TNNT1: variants seen among roughly 807,000 people sequenced by gnomAD.
The protein encoded by TNNT1 is troponin T, slow skeletal muscle.
TNNT1 carries 53 observed loss-of-function variants against 50.6 expected under a neutral mutation model. That is an observed-to-expected ratio of 1.05 (90% CI 0.84 to 1.32). TNNT1 has a LOEUF of 1.32. Among genes scored for constraint, TNNT1 ranks in the 40% most tolerant of loss-of-function variants. The probability of loss-of-function intolerance (pLI) is 0.00; values close to 1 mark genes in which losing one functional copy is unlikely to be tolerated. For missense variants in TNNT1, 348 were observed against 381.7 expected (o/e 0.91, Z 0.74); for synonymous variants, 142 against 138.0 (o/e 1.03, Z -0.20).
chr19:55,135,760 A>AGG (rs1158500982), intron 11 of TNNT1, among the ~76,000 whole-genome samples: 1 of 152,038 alleles, frequency 6.6e-6, no homozygotes, highest in Non-Finnish European at 1.5e-5. Context: ...ACCTCAGGTG[A>AGG]TCTGCCCGCC....
chr19:55,140,971 G>C lies in TNNT1; in HGVS notation c.310-11C>G. 6.2e-7 allele frequency: 1 copy of C among 1,613,720 alleles called. No homozygotes were observed. The highest frequency in any genetic ancestry group is 8.5e-7 in the Non-Finnish European group (1 of 1,179,864). Reference sequence around the variant, plus strand: ...TGACCGGCGCCGCTCCTGGGAAACGGAGAAGCATAAGGGGGTGCAGGGACG... The same window carrying C: ...TGACCGGCGCCGCTCCTGGGAAACGCAGAAGCATAAGGGGGTGCAGGGACG... On this transcript the variant is annotated splice_polypyrimidine_tract_variant and intron_variant, in intron 8 of 13. Coordinates refer to ENST00000588981, the MANE Select transcript of TNNT1 (RefSeq NM_003283.6).
rs180912227 is a variant in TNNT1 at position 55,148,945 on chromosome 19, C to T, written c.-12+216G>A. On this transcript the variant is annotated intron_variant, in intron 1 of 13. Transcript: ENST00000588981. ...TGGGACATCCAAGTCCTGGCAGCCC[C>T]GGGTTAGGATTTGTGTAACCCACAA... Among the ~76,000 whole-genome samples, 338 of 152,140 alleles carry T rather than the reference C, an allele frequency of 2.2e-3. 1 individual carries two copies. Among genetic ancestry groups the T allele is most frequent in the African/African-American group, 7.5e-3 (313 of 41,500 alleles).
At chr19:55,135,375 C>A in intron 11 of TNNT1, 2 of 221,460 alleles carry the variant, frequency 9.0e-6, no homozygotes, top group Non-Finnish European at 9.1e-6. Flanking sequence ...CTAAAACCTA[C>A]CTTTCCTTCC....
rs760891005 is a variant in TNNT1 at position 55,140,884 on chromosome 19, G to A, written c.386C>T (p.Ala129Val). 2.3e-5 allele frequency: 37 copies of A among 1,613,210 alleles called. No individual in the cohort carries two copies. Among genetic ancestry groups the A allele is most frequent in the Non-Finnish European group, 3.0e-5 (35 of 1,179,936 alleles). ...EKERERQAKL[A>V]EEKMRKEEEE... ...TCTCAGGGCAGGGGAGGCACCCACC[G>A]CCAGCTTAGCCTGACGTTCGCGTTC... Residue 129 changes from alanine to valine, a missense_variant and splice_region_variant, in exon 9 of 14, where the codon GCG (alanine) becomes GTG (valine). This residue lies in a region of TNNT1 where 253 missense variants were observed against 291.8 expected (regional missense o/e 0.87). Coordinates refer to ENST00000588981, the MANE Select transcript of TNNT1 (RefSeq NM_003283.6).
At chr19:55,146,884 G>A in intron 3 of TNNT1, 124 bp downstream of exon 3, 1 of 1,326,350 alleles carries the variant, frequency 7.5e-7, no homozygotes, top group Non-Finnish European at 1.0e-6. Flanking sequence ...GACCCGGAGA[G>A]GGCGGGCGAG....
At chr19:55,145,492 G>A (rs2085532198) in intron 6 of TNNT1, 52 bp downstream of exon 6, 2 of 1,580,744 alleles carry the variant, frequency 1.3e-6, no homozygotes, top group Non-Finnish European at 1.7e-6. Context: ...GGGGGTAGAG[G>A]GAATATTTAG....
chr19:55,141,340 G>A, intron 7 of TNNT1, 38 bp from the exon 8 acceptor site: 1 of 1,522,266 alleles, frequency 6.6e-7, no homozygotes, highest in Non-Finnish European at 9.1e-7. Flanking sequence ...AGGAGACCCT[G>A]GAGGGGGCAG....
chr19:55,142,094 C>A lies in TNNT1; in HGVS notation c.129-174G>T, dbSNP rs913875627. ...ACACACAAAAGAAGGTAAAATACCTCACTACTCATGTTTTTTTGGTTGTTG... is the reference window on the plus strand; with the variant it reads ...ACACACAAAAGAAGGTAAAATACCTAACTACTCATGTTTTTTTGGTTGTTG... On this transcript the variant is annotated intron_variant, in intron 6 of 13. Transcript: ENST00000588981. The A allele has an allele frequency of 4.7e-6, 3 of 635,258 alleles. No homozygotes were observed. The African/African-American group carries it at 5.5e-5, about 12-fold the overall frequency. 39.4% of individuals were successfully genotyped at this position (635,258 alleles called of 1,614,324 possible).
chr19:55,147,198 G>A, intron 1 of TNNT1, 30 bp from the exon 2 acceptor site: 1 of 1,609,746 alleles, frequency 6.2e-7, no homozygotes. Flanking sequence ...GGCCCAGTGG[G>A]GTGGGGCCCC....
chr19:55,147,246 G>A, intron 1 of TNNT1, 78 bp from the exon 2 acceptor site: 2 of 1,428,456 alleles, frequency 1.4e-6, no homozygotes, highest in Non-Finnish European at 1.9e-6. Context: ...TGTGAGGGAG[G>A]AGGGGCTGGG....
chr19:55,137,463 A>C (rs558204106), intron 10 of TNNT1, among the ~76,000 whole-genome samples: 45 of 150,306 alleles, frequency 3.0e-4, no homozygotes, highest in Admixed American at 6.6e-4. Flanking sequence ...ATTAGGAACC[A>C]GAAGTCTGGC....
At chr19:55,132,994 G>C in intron 13 of TNNT1, 34 bp from the exon 14 acceptor site, 2 of 1,573,490 alleles carry the variant, frequency 1.3e-6, no homozygotes, top group Non-Finnish European at 1.7e-6. Flanking sequence ...AGGAAAAAGG[G>C]GCCCCTCCAG....
At chr19:55,142,074 CAA>C in intron 6 of TNNT1, 154 bp from the exon 7 acceptor site, 1 of 714,678 alleles carries the variant, frequency 1.4e-6, no homozygotes, top group Non-Finnish European at 2.5e-6. Flanking sequence ...GTGAAACACA[CAA>C]AAGAAGGTAA....
In TNNT1 at chr19:55,132,959, G is replaced by A. The variant is rs765317516; in HGVS notation, c.793C>T (p.Arg265Trp). ...ACGCGGCCCTTCCCTGCCCCCTTCC[G>A]GCTGTAGAAGAATGAGGTGGTATCA... ...YNRISHAQKF[R>W]KGAGKGRVGG... The change falls in exon 14 of 14, where the codon CGG becomes TGG. Residue 265 changes from arginine (R) to tryptophan (W), a missense_variant and splice_region_variant. By Grantham distance (101) the Arg-to-Trp change is moderately radical. This residue lies in a region of TNNT1 where 253 missense variants were observed against 291.8 expected (regional missense o/e 0.87). Coordinates refer to ENST00000588981, the MANE Select transcript of TNNT1 (RefSeq NM_003283.6). The A allele has an allele frequency of 1.3e-5, 21 of 1,600,734 alleles. No individual in the cohort carries two copies. The highest frequency in any genetic ancestry group is 4.0e-5 in the African/African-American group (3 of 74,782).
chr19:55,138,326 G>A (rs2085391875), intron 9 of TNNT1, among the ~76,000 whole-genome samples: 1 of 150,152 alleles, frequency 6.7e-6, no homozygotes, highest in South Asian at 2.1e-4. Flanking sequence ...TGCTCAGGCT[G>A]GAGTGCAGTG....
chr19:55,148,270 C>T (rs1192800510), intron 1 of TNNT1, among the ~76,000 whole-genome samples: 2 of 151,872 alleles, frequency 1.3e-5, no homozygotes, highest in Non-Finnish European at 2.9e-5. Context: ...ACCCGCATCC[C>T]CTCTCCCACT....
At position 55,134,123 on chromosome 19, in the gene TNNT1, G is replaced by A. The variant is rs771257965; in HGVS notation, c.693C>T (p.His231=). 1.2e-6 allele frequency: 2 copies of A among 1,611,312 alleles called. No individual in the cohort carries two copies. The highest frequency in any genetic ancestry group is 1.7e-5 in the Admixed American group (1 of 59,650). Residue 231 remains histidine, a synonymous_variant, in exon 12 of 14, where the codon CAC becomes CAT. Transcript: ENST00000588981. ...EKAQELSDWI[H]QLESEKFDLM... is the part of the protein sequence containing the mutation. ...GGTCGAACTTCTCAGACTCCAGCTG[G>A]TGGATCCAGTCCGACAGCTCCTGGG...
rs73060953 is a variant in TNNT1, at chr19:55,141,344, G to C, written c.193-42C>G. 0.039 allele frequency: 58,458 copies of C among 1,498,868 alleles called. 1,242 individuals carry two copies. The highest frequency in any genetic ancestry group is 0.053 in the Middle Eastern group (310 of 5,834). The allele number at this position is 1,498,868 out of a possible 1,614,324, so 92.8% of individuals were successfully genotyped here. ...CAGCCCGTCCTAGGAGACCCTGGAG[G>C]GGGCAGCAGCCTCCCAGCACCTCCC... On this transcript the variant is annotated intron_variant, in intron 7 of 13. Coordinates refer to ENST00000588981, the MANE Select transcript of TNNT1 (RefSeq NM_003283.6).
At chr19:55,138,159 G>A in intron 9 of TNNT1, 85 bp from the exon 10 acceptor site, 1 of 1,607,542 alleles carries the variant, frequency 6.2e-7, no homozygotes, top group Non-Finnish European at 8.5e-7. Flanking sequence ...GGGGCACAGG[G>A]ATCAGCAGAC....
Sources: allele counts gnomAD v4.1 joint callset (sites outside exome capture counted in the v4.1 genomes callset), GRCh38; gene constraint gnomAD v4.1.1; regional missense constraint gnomAD v4.1.1; transcripts MANE v1.5; gene names NCBI Gene and HGNC (gene_info 2026-07-23, HGNC 2026-07-21).